Variants in DKK2 observed in about 807,000 individuals in gnomAD.
The protein encoded by DKK2 is dickkopf-related protein 2.
In DKK2, 11 loss-of-function variants were observed where a neutral mutation model predicts 28.1. That is an observed-to-expected ratio of 0.39 (90% CI 0.25 to 0.65). DKK2 has a LOEUF of 0.65. Ranked by LOEUF, DKK2 falls within the 30% of genes least tolerant of loss-of-function variation. DKK2 has a pLI of 0.47. For missense variants in DKK2, 326 were observed against 335.5 expected (o/e 0.97, Z 0.22); for synonymous variants, 135 against 126.5 (o/e 1.07, Z -0.45).
intron 1 of DKK2, among the ~76,000 whole-genome samples, chr4:107,009,994 C>T (rs1023038642): frequency 1.3e-5 from 2 of 151,616 alleles, no homozygotes; most frequent in Non-Finnish European, 3.0e-5. Context: ...AATTTATTTT[C>T]CTCTAGGGAT....
At chr4:107,001,901 T>A (rs774975291) in intron 1 of DKK2, among the ~76,000 whole-genome samples, 10 of 152,226 alleles carry the variant, frequency 6.6e-5, no homozygotes, top group Non-Finnish European at 2.9e-5. Context: ...AATAAATTAG[T>A]GTCCTTTGGA....
intron 1 of DKK2, among the ~76,000 whole-genome samples, chr4:106,951,795 G>A (rs943420624): frequency 6.6e-6 from 1 of 151,816 alleles, no homozygotes; most frequent in South Asian, 2.1e-4. Context: ...GGGAATCAGG[G>A]GCTTAATTAT....
At chr4:107,024,120 A>G (rs925439331) in intron 1 of DKK2, among the ~76,000 whole-genome samples, 9 of 152,130 alleles carry the variant, frequency 5.9e-5, no homozygotes, top group African/African-American at 1.9e-4. Context: ...AACTTTGTCT[A>G]TTCTGAAGCC....
chr4:106,932,083 T>A (rs1578346276), intron 1 of DKK2, among the ~76,000 whole-genome samples: 1 of 152,224 alleles, frequency 6.6e-6, no homozygotes, highest in Non-Finnish European at 1.5e-5. Flanking sequence ...AAATTGGAAG[T>A]TGAGGATCTG....
intron 1 of DKK2, among the ~76,000 whole-genome samples, chr4:107,004,357 G>A (rs1431736753): frequency 6.6e-6 from 1 of 152,092 alleles, no homozygotes; most frequent in Middle Eastern, 3.2e-3. Flanking sequence ...AATTGTGTTG[G>A]TTATTATTGA....
intron 1 of DKK2, among the ~76,000 whole-genome samples, chr4:106,935,769 G>C (rs1724576990): frequency 6.6e-6 from 1 of 152,202 alleles, no homozygotes; most frequent in African/African-American, 2.4e-5. Flanking sequence ...CTGGAGATCT[G>C]AGAATGGGCA....
intron 1 of DKK2, among the ~76,000 whole-genome samples, chr4:106,982,900 A>G (rs750210320): frequency 8.6e-5 from 13 of 151,260 alleles, no homozygotes; most frequent in Non-Finnish European, 1.8e-4. Context: ...TGGAGAAAGC[A>G]TAGTCGCCTT....
At chr4:106,954,944 A>C (rs1162987370) in intron 1 of DKK2, among the ~76,000 whole-genome samples, 2 of 152,232 alleles carry the variant, frequency 1.3e-5, no homozygotes, top group Admixed American at 6.5e-5. Context: ...ACATTTCTGA[A>C]TAATGTACAG....
intron 1 of DKK2, among the ~76,000 whole-genome samples, chr4:106,997,977 C>T (rs946748288): frequency 6.6e-6 from 1 of 152,160 alleles, no homozygotes; most frequent in African/African-American, 2.4e-5. Context: ...TGTGCAGATG[C>T]TTAACATCAA....
intron 1 of DKK2, among the ~76,000 whole-genome samples, chr4:107,023,238 G>A (rs2156505): frequency 0.24 from 35,896 of 151,758 alleles, 4,624 homozygotes; most frequent in East Asian, 0.53. Context: ...TGAGTAAACC[G>A]GAAGTCAAAG....
intron 1 of DKK2, among the ~76,000 whole-genome samples, chr4:106,994,101 C>A (rs2110362644): frequency 6.6e-6 from 1 of 152,270 alleles, no homozygotes; most frequent in South Asian, 2.1e-4. Flanking sequence ...TTTTGTGGTT[C>A]TTATAAACTG....
chr4:106,952,647 C>A (rs987749850), intron 1 of DKK2, among the ~76,000 whole-genome samples: 3 of 151,970 alleles, frequency 2.0e-5, no homozygotes, highest in African/African-American at 7.2e-5. Context: ...TCAGTGAGTC[C>A]ATAAAGTAAG....
intron 1 of DKK2, among the ~76,000 whole-genome samples, chr4:107,010,871 T>G (rs1723507037): frequency 1.3e-5 from 2 of 151,020 alleles, no homozygotes; most frequent in African/African-American, 4.8e-5. Flanking sequence ...TAAAAACCCA[T>G]AGATATTAAT....
At chr4:106,987,786 T>C (rs576781189) in intron 1 of DKK2, among the ~76,000 whole-genome samples, 1 of 152,108 alleles carries the variant, frequency 6.6e-6, no homozygotes, top group African/African-American at 2.4e-5. Context: ...TCACAATAAA[T>C]TTCTTTAAAA....
At chr4:106,972,955 GT>G (rs1722890313) in intron 1 of DKK2, among the ~76,000 whole-genome samples, 1 of 151,984 alleles carries the variant, frequency 6.6e-6, no homozygotes, top group Admixed American at 6.6e-5. Flanking sequence ...TGTTCTCATT[GT>G]TCCACTCCTA....
chr4:106,937,182 A>C (rs1277326125), intron 1 of DKK2, among the ~76,000 whole-genome samples: 6 of 149,564 alleles, frequency 4.0e-5, no homozygotes, highest in Non-Finnish European at 9.0e-5. Context: ...AAATTGGATA[A>C]AGAGTCAAAA....
chr4:107,011,017 C>G (rs1361773742), intron 1 of DKK2, among the ~76,000 whole-genome samples: 1 of 151,428 alleles, frequency 6.6e-6, no homozygotes, highest in African/African-American at 2.4e-5. Context: ...TTATCTGCTT[C>G]TGCATCCAGT....
chr4:106,958,820 A>T (rs1460190541), intron 1 of DKK2, among the ~76,000 whole-genome samples: 1 of 150,182 alleles, frequency 6.7e-6, no homozygotes, highest in Non-Finnish European at 1.5e-5. Flanking sequence ...CTGGGCAACA[A>T]GAGTGAAACT....
chr4:106,967,506 G>A (rs1722800228), intron 1 of DKK2, among the ~76,000 whole-genome samples: 2 of 152,100 alleles, frequency 1.3e-5, no homozygotes, highest in East Asian at 1.9e-4. Context: ...AAGAGAGCAA[G>A]GTAGGGATGG....
Sources: gnomAD v4.1 joint callset for allele counts (sites outside exome capture counted in the v4.1 genomes callset) on GRCh38, gnomAD v4.1.1 for gene constraint, MANE v1.5 for transcripts, NCBI Gene and HGNC (gene_info 2026-07-23, HGNC 2026-07-21) for gene names.